WNT7A: variants seen among roughly 807,000 people sequenced by gnomAD.
The protein encoded by WNT7A is protein Wnt-7a.
Under a neutral mutation model 28.2 loss-of-function variants are expected in WNT7A, and 16 were observed. The observed-to-expected ratio is 0.57, with a 90% CI of 0.38 to 0.86. WNT7A has a LOEUF of 0.86. WNT7A is among the 40% of genes least tolerant of loss of function. The probability of loss-of-function intolerance (pLI) is 0.00; values close to 1 mark genes in which losing one functional copy is unlikely to be tolerated. For synonymous variants in WNT7A, 190 were observed against 195.9 expected (o/e 0.97, Z 0.25); for missense variants, 411 against 489.7 (o/e 0.84, Z 1.52).
intron 2 of WNT7A, among the ~76,000 whole-genome samples, chr3:13,867,060 G>GTTCA (rs1403705020): frequency 6.6e-6 from 1 of 152,150 alleles, no homozygotes; most frequent in Non-Finnish European, 1.5e-5. Context: ...TTGAGCTTGT[G>GTTCA]TTCATATGAC....
intron 3 of WNT7A, among the ~76,000 whole-genome samples, chr3:13,839,395 C>T (rs1037147522): frequency 2.6e-5 from 4 of 152,204 alleles, no homozygotes; most frequent in East Asian, 1.9e-4. Flanking sequence ...AAGCCCAGCC[C>T]GTAACAGGTG....
intron 2 of WNT7A, 31 bp downstream of exon 2, chr3:13,874,916 A>G: frequency 6.2e-7 from 1 of 1,608,468 alleles, no homozygotes; most frequent in Non-Finnish European, 8.5e-7. Context: ...AGCCGGTAAG[A>G]CTCTGCGGGG....
chr3:13,823,448 G>A (rs1050731104), intron 3 of WNT7A, among the ~76,000 whole-genome samples: 4 of 152,310 alleles, frequency 2.6e-5, no homozygotes, highest in South Asian at 2.1e-4. Flanking sequence ...CCAGGCCCGA[G>A]CAATTGTCAG....
At chr3:13,841,348 A>G (rs1282465869) in intron 3 of WNT7A, among the ~76,000 whole-genome samples, 2 of 152,254 alleles carry the variant, frequency 1.3e-5, no homozygotes, top group Admixed American at 1.3e-4. Flanking sequence ...TAATGAATGA[A>G]TAAGTGGATG....
At chr3:13,860,293 C>T (rs1694807707) in intron 2 of WNT7A, among the ~76,000 whole-genome samples, 1 of 152,130 alleles carries the variant, frequency 6.6e-6, no homozygotes, top group Non-Finnish European at 1.5e-5. Flanking sequence ...CCAAGTTGGT[C>T]TGTGTCCTTC....
chr3:13,877,692 T>TC (rs11456104), intron 1 of WNT7A, among the ~76,000 whole-genome samples: 27,911 of 152,220 alleles, frequency 0.18, 2,962 homozygotes, highest in African/African-American at 0.28. Context: ...TGATAACTAG[T>TC]CCCCACCTCA....
At chr3:13,826,766 T>C (rs1694202879) in intron 3 of WNT7A, among the ~76,000 whole-genome samples, 1 of 152,194 alleles carries the variant, frequency 6.6e-6, no homozygotes, top group South Asian at 2.1e-4. Flanking sequence ...ATCTAAAAAA[T>C]TGATTGCAAA....
At chr3:13,853,449 G>C (rs1694671783) in intron 3 of WNT7A, among the ~76,000 whole-genome samples, 2 of 152,188 alleles carry the variant, frequency 1.3e-5, no homozygotes, top group Non-Finnish European at 2.9e-5. Flanking sequence ...TCACAGACTA[G>C]CCAGTGTGGT....
At chr3:13,868,677 G>A (rs1256750215) in intron 2 of WNT7A, among the ~76,000 whole-genome samples, 2 of 3,320 alleles carry the variant, frequency 6.0e-4, no homozygotes, top group Non-Finnish European at 1.0e-3. Flanking sequence ...TGGGAGAGAG[G>A]GGGAGAGAGA....
At chr3:13,835,784 A>G (rs1257882467) in intron 3 of WNT7A, among the ~76,000 whole-genome samples, 1 of 152,270 alleles carries the variant, frequency 6.6e-6, no homozygotes, top group Non-Finnish European at 1.5e-5. Context: ...ATGTCCATCA[A>G]TGGATGAATG....
chr3:13,859,313 T>C (rs917532108), intron 2 of WNT7A, among the ~76,000 whole-genome samples: 2 of 152,208 alleles, frequency 1.3e-5, no homozygotes, highest in Non-Finnish European at 2.9e-5. Flanking sequence ...TGAGTCCTAA[T>C]TTCAACCCTG....
At chr3:13,878,100 A>C (rs1386082174) in intron 1 of WNT7A, among the ~76,000 whole-genome samples, 1 of 152,214 alleles carries the variant, frequency 6.6e-6, no homozygotes, top group Non-Finnish European at 1.5e-5. Flanking sequence ...TGGGGCGGAA[A>C]GCCAGCGCCC....
At chr3:13,856,925 AG>A (rs1276063350) in intron 2 of WNT7A, among the ~76,000 whole-genome samples, 3 of 110,422 alleles carry the variant, frequency 2.7e-5, no homozygotes, top group Non-Finnish European at 3.5e-5. Flanking sequence ...AAGAAGAAGA[AG>A]AAGAAGAAGA....
chr3:13,846,535 C>T (rs754829774), intron 3 of WNT7A, among the ~76,000 whole-genome samples: 1 of 152,188 alleles, frequency 6.6e-6, no homozygotes, highest in Non-Finnish European at 1.5e-5. Context: ...CATAAGACTA[C>T]TGTGGGGATT....
At chr3:13,842,872 G>T (rs1402104786) in intron 3 of WNT7A, among the ~76,000 whole-genome samples, 1 of 152,182 alleles carries the variant, frequency 6.6e-6, no homozygotes, top group Non-Finnish European at 1.5e-5. Context: ...CTGGAGACTG[G>T]ACTTTATGGA....
rs1342921513 is a variant in WNT7A at position 13,819,040 on chromosome 3, G to A, written c.954C>T (p.Tyr318=). ...TACAGTTGCACTGCCACACGCGGGC[G>A]TACTGGTGGGTGTTGTAGCCACGCC... ...CCGRGYNTHQ[Y]ARVWQCNCKF... is the part of the protein sequence containing the mutation. The change falls in exon 4 of 4, where the codon TAC becomes TAT. Residue 318 remains tyrosine, a synonymous_variant. Transcript: ENST00000285018. The A allele has an allele frequency of 1.5e-5, 24 of 1,613,330 alleles. No individual in the cohort carries two copies. The highest frequency in any genetic ancestry group is 3.3e-5 in the South Asian group (3 of 91,060).
rs1695095137 is a variant in WNT7A at position 13,875,309 on chromosome 3, CT to C, written c.72-137del. ...TCCCAACTTTTTTGATCCTGCACCC[CT>C]AACTCATGTCCATTCGAATAGAAAC... On this transcript the variant is annotated intron_variant, in intron 1 of 3. Transcript: ENST00000285018. The C allele has an allele frequency of 5.5e-5, 43 of 778,792 alleles. No homozygotes were observed. In the South Asian group the frequency reaches 6.4e-4, roughly 12 times the overall value. The allele number at this position is 778,792 out of a possible 1,614,324, so 48.2% of individuals were successfully genotyped here. A position where few individuals can be genotyped will look rare whatever the true frequency, so the allele number is the denominator to read the frequency against.
intron 3 of WNT7A, among the ~76,000 whole-genome samples, chr3:13,824,350 G>C (rs1694161450): frequency 6.6e-6 from 1 of 152,180 alleles, no homozygotes; most frequent in Admixed American, 6.5e-5. Flanking sequence ...GAATCACATA[G>C]TATGTGGCAT....
At chr3:13,820,139 C>T (rs565452602) in intron 3 of WNT7A, among the ~76,000 whole-genome samples, 8 of 152,302 alleles carry the variant, frequency 5.3e-5, no homozygotes, top group Non-Finnish European at 1.0e-4. Flanking sequence ...CATCCTAAGT[C>T]ATGAATTGAG....
Sources: allele counts gnomAD v4.1 joint callset (sites outside exome capture counted in the v4.1 genomes callset), GRCh38; gene constraint gnomAD v4.1.1; transcripts MANE v1.5; gene names NCBI Gene and HGNC (gene_info 2026-07-23, HGNC 2026-07-21).